BTBD10: variants seen among roughly 807,000 people sequenced by gnomAD.
BTBD10 encodes BTB/POZ domain-containing protein 10.
A neutral mutation model predicts 53.2 loss-of-function variants in BTBD10; 21 were observed. The ratio of observed to expected loss-of-function variants is 0.39; its 90% CI spans 0.28 to 0.57. BTBD10 has a LOEUF of 0.57. Among genes scored for constraint, BTBD10 ranks in the 20% least tolerant of loss-of-function variants. BTBD10 has a pLI of 0.53. For missense variants in BTBD10, 360 were observed against 594.7 expected (o/e 0.61, Z 4.10); for synonymous variants, 149 against 192.7 (o/e 0.77, Z 1.88).
At position 13,417,144 on chromosome 11, in the gene BTBD10, T is replaced by A; in HGVS notation, c.687+14A>T. On this transcript the variant is annotated intron_variant, in intron 5 of 8. Coordinates refer to ENST00000278174, the MANE Select transcript of BTBD10 (RefSeq NM_032320.7). ...CGTCTTATGATTAAGTCAATACTCA[T>A]AAGAAACACTCACCAGAATCGCTCG... 6.3e-7 allele frequency: 1 copy of A among 1,596,844 alleles called. No individual in the cohort carries two copies.
At chr11:13,412,931 G>A (rs962518304) in intron 6 of BTBD10, among the ~76,000 whole-genome samples, 3 of 152,156 alleles carry the variant, frequency 2.0e-5, no homozygotes, top group African/African-American at 7.2e-5. Flanking sequence ...AAGTAACAAT[G>A]GGAGTAGGGG....
chr11:13,394,724 G>A (rs1003671092), intron 8 of BTBD10, among the ~76,000 whole-genome samples: 2 of 144,548 alleles, frequency 1.4e-5, no homozygotes, highest in African/African-American at 5.1e-5. Flanking sequence ...AGTCCCGTGT[G>A]TGATGTTGCC....
rs929229811 is a variant in BTBD10, at chr11:13,408,625, C to A, written c.809-2769G>T. Among the ~76,000 whole-genome samples, 5 of 152,132 alleles carry A rather than the reference C, an allele frequency of 3.3e-5. No homozygotes were observed. The East Asian group carries it at 5.8e-4, about 18-fold the overall frequency. On this transcript the variant is annotated intron_variant, in intron 6 of 8. Transcript: ENST00000278174. The stretch of plus-strand genomic sequence containing the variant: ...AAAATCAAGCTTTTAGATTTTTGCT[C>A]CTCATGAAGTCTCCCCCATCTCAAT...
intron 2 of BTBD10, among the ~76,000 whole-genome samples, chr11:13,435,934 T>A (rs1469656737): frequency 6.6e-6 from 1 of 152,226 alleles, no homozygotes; most frequent in Non-Finnish European, 1.5e-5. Flanking sequence ...AAATCTATAC[T>A]GTAATTAGAC....
At chr11:13,458,813 G>A (rs1951026698) in intron 1 of BTBD10, among the ~76,000 whole-genome samples, 1 of 152,092 alleles carries the variant, frequency 6.6e-6, no homozygotes, top group Non-Finnish European at 1.5e-5. Flanking sequence ...ATGAACAAAT[G>A]AATAGCTGAA....
intron 1 of BTBD10, among the ~76,000 whole-genome samples, chr11:13,455,530 CTGTT>C (rs1387626497): frequency 6.6e-6 from 1 of 152,136 alleles, no homozygotes; most frequent in African/African-American, 2.4e-5. Context: ...TAACTAGACA[CTGTT>C]TAGTTTATAG....
At chr11:13,453,835 C>G (rs923136557) in intron 1 of BTBD10, among the ~76,000 whole-genome samples, 1 of 152,036 alleles carries the variant, frequency 6.6e-6, no homozygotes, top group African/African-American at 2.4e-5. Context: ...AGGTGGATCA[C>G]GAGGTCAGAA....
intron 2 of BTBD10, chr11:13,440,379 T>G (rs1400839671): frequency 2.2e-6 from 2 of 903,664 alleles, no homozygotes; most frequent in Non-Finnish European, 2.7e-6. Flanking sequence ...CTTAGAGATA[T>G]GTAGATATGT....
At chr11:13,415,006 C>T (rs752753136) in intron 5 of BTBD10, among the ~76,000 whole-genome samples, 4 of 152,014 alleles carry the variant, frequency 2.6e-5, no homozygotes, top group Non-Finnish European at 4.4e-5. Flanking sequence ...AACTATTTTC[C>T]CTATCTGTCT....
intron 4 of BTBD10, 57 bp downstream of exon 4, chr11:13,419,402 AT>A (rs1950195116): frequency 1.4e-5 from 22 of 1,565,404 alleles, no homozygotes; most frequent in East Asian, 4.5e-5. Flanking sequence ...AAACAAAAAA[AT>A]AATGGCAGTA....
Position 13,388,938 on chromosome 11 carries a change from C to T in BTBD10, c.1321G>A (p.Val441Ile). The change falls in exon 9 of 9, where the codon GTA (valine) becomes ATA (isoleucine). Residue 441 changes from valine (V) to isoleucine (I), a missense_variant. Transcript: ENST00000278174. Reference sequence around the variant, plus strand: ...ACTTGTGGAGTTGGATGCATGACTACCAGCTGGTCCTGGGGAATGTCTGCT... The same window carrying T: ...ACTTGTGGAGTTGGATGCATGACTATCAGCTGGTCCTGGGGAATGTCTGCT... Reference protein sequence around the residue: ...AAADIPQDQLVVMHPTPQVDE... With the variant: ...AAADIPQDQLIVMHPTPQVDE... The T allele has an allele frequency of 6.2e-7, 1 of 1,614,158 alleles. No individual in the cohort carries two copies. Among genetic ancestry groups the T allele is most frequent in the Non-Finnish European group, 8.5e-7 (1 of 1,180,022 alleles).
intron 2 of BTBD10, among the ~76,000 whole-genome samples, 171 bp from the exon 3 acceptor site, chr11:13,422,009 G>A (rs921418110): frequency 1.3e-5 from 2 of 152,096 alleles, no homozygotes; most frequent in Admixed American, 6.5e-5. Context: ...TAAAAATTCT[G>A]GAATAACGTG....
chr11:13,417,089 C>T (rs1950133005), intron 5 of BTBD10, 69 bp downstream of exon 5: 1 of 1,084,914 alleles, frequency 9.2e-7, no homozygotes, highest in Non-Finnish European at 1.3e-6. Flanking sequence ...AAATAGAATT[C>T]TGCGTCTAAT....
At chr11:13,414,667 TAA>T (rs1219721002) in intron 5 of BTBD10, among the ~76,000 whole-genome samples, 1 of 124,220 alleles carries the variant, frequency 8.1e-6, no homozygotes, top group Non-Finnish European at 1.7e-5. Flanking sequence ...ATAAAAATAA[TAA>T]AAAAAAAAAA....
In BTBD10 at chr11:13,394,008, G is replaced by A. The variant is rs544811476; in HGVS notation, c.1118-4867C>T. ...AAATACCAGCTGATAAATGTAAAAGGAATGATAAATGAGAAAATTATCATT... is the reference window on the plus strand; with the variant it reads ...AAATACCAGCTGATAAATGTAAAAGAAATGATAAATGAGAAAATTATCATT... On this transcript the variant is annotated intron_variant, in intron 8 of 8. Transcript: ENST00000278174. Among the ~76,000 whole-genome samples, 90 of 152,202 alleles carry A rather than the reference G, an allele frequency of 5.9e-4. 2 individuals carry two copies. The South Asian group carries it at 0.018, about 31-fold the overall frequency.
At position 13,417,150 on chromosome 11, in the gene BTBD10, A is replaced by G. The variant is rs765681805; in HGVS notation, c.687+8T>C. On this transcript the variant is annotated splice_region_variant and intron_variant, in intron 5 of 8. Coordinates refer to ENST00000278174, the MANE Select transcript of BTBD10 (RefSeq NM_032320.7). The stretch of plus-strand genomic sequence containing the variant: ...ATGATTAAGTCAATACTCATAAGAA[A>G]CACTCACCAGAATCGCTCGAAACAC... 2.5e-6 allele frequency: 4 copies of G among 1,602,886 alleles called. No individual in the cohort carries two copies. Among genetic ancestry groups the G allele is most frequent in the East Asian group, 2.2e-5 (1 of 44,798 alleles).
intron 1 of BTBD10, among the ~76,000 whole-genome samples, chr11:13,459,015 T>C (rs949878473): frequency 1.3e-5 from 2 of 151,726 alleles, no homozygotes; most frequent in Non-Finnish European, 2.9e-5. Context: ...GTCAGGTATC[T>C]GAGCATTAAA....
intron 2 of BTBD10, chr11:13,439,874 G>T (rs1310841780): frequency 1.3e-6 from 2 of 1,513,144 alleles, no homozygotes; most frequent in East Asian, 2.5e-5. Context: ...TGTAATAAAT[G>T]AATACACACC....
At chr11:13,408,068 G>A (rs922772329) in intron 6 of BTBD10, among the ~76,000 whole-genome samples, 5 of 152,250 alleles carry the variant, frequency 3.3e-5, no homozygotes, top group African/African-American at 1.2e-4. Flanking sequence ...CAGATATTGT[G>A]ATACAGCCAT....
Sources: gnomAD v4.1 joint callset for allele counts (sites outside exome capture counted in the v4.1 genomes callset) on GRCh38, gnomAD v4.1.1 for gene constraint, MANE v1.5 for transcripts, NCBI Gene and HGNC (gene_info 2026-07-23, HGNC 2026-07-21) for gene names.